LSAMP: variants seen among roughly 807,000 people sequenced by gnomAD.
LSAMP encodes the protein limbic system-associated membrane protein.
LSAMP carries 7 observed loss-of-function variants against 38.6 expected under a neutral mutation model. That is an observed-to-expected ratio of 0.18 (90% CI 0.10 to 0.34). LSAMP has a LOEUF of 0.34. Among genes scored for constraint, LSAMP ranks in the 10% least tolerant of loss-of-function variants. The pLI, the probability that LSAMP is intolerant of heterozygous loss-of-function variation, is 1.00. For missense variants in LSAMP, 313 were observed against 420.0 expected (o/e 0.75, Z 2.23); for synonymous variants, 154 against 166.8 (o/e 0.92, Z 0.59).
intron 1 of LSAMP, among the ~76,000 whole-genome samples, chr3:116,242,836 T>TAGAA (rs35206758): frequency 0.71 from 107,540 of 151,602 alleles, 39,732 homozygotes; most frequent in South Asian, 0.84. Context: ...GCCTCATAGA[T>TAGAA]AGAAGTGTCC....
chr3:116,145,796 G>A (rs569764710), intron 1 of LSAMP, among the ~76,000 whole-genome samples: 20 of 151,630 alleles, frequency 1.3e-4, no homozygotes, highest in South Asian at 4.2e-4. Context: ...TATGACTTTC[G>A]CAGATACAAC....
intron 1 of LSAMP, among the ~76,000 whole-genome samples, chr3:116,107,797 G>A (rs1231033920): frequency 3.3e-5 from 5 of 152,148 alleles, no homozygotes; most frequent in Non-Finnish European, 4.4e-5. Flanking sequence ...AAGAAAGCAC[G>A]TTTGAGCTGC....
chr3:115,927,954 A>C (rs548486772), intron 3 of LSAMP, among the ~76,000 whole-genome samples: 1 of 152,132 alleles, frequency 6.6e-6, no homozygotes, highest in Non-Finnish European at 1.5e-5. Context: ...CATACTTTTA[A>C]ATTTCATTTA....
At chr3:116,169,838 G>A (rs1051589935) in intron 1 of LSAMP, among the ~76,000 whole-genome samples, 1 of 152,130 alleles carries the variant, frequency 6.6e-6, no homozygotes, top group Admixed American at 6.6e-5. Flanking sequence ...AGCGGGTCTT[G>A]TGAAAATTGA....
intron 1 of LSAMP, among the ~76,000 whole-genome samples, chr3:116,337,390 A>G (rs2047933986): frequency 6.6e-6 from 1 of 151,998 alleles, no homozygotes; most frequent in Admixed American, 6.6e-5. Context: ...TTCGAACCCT[A>G]CATTGATTAG....
At chr3:116,080,551 A>G (rs1238097403) in intron 2 of LSAMP, among the ~76,000 whole-genome samples, 1 of 152,234 alleles carries the variant, frequency 6.6e-6, no homozygotes, top group Non-Finnish European at 1.5e-5. Context: ...TCTACAGGGA[A>G]GAATATCAGG....
chr3:115,856,604 G>A (rs577094371), intron 3 of LSAMP, among the ~76,000 whole-genome samples: 1 of 150,394 alleles, frequency 6.6e-6, no homozygotes, highest in Admixed American at 6.6e-5. Flanking sequence ...GGGTGACAGA[G>A]CAAGACTCCA....
At chr3:116,293,142 A>C (rs1303126716) in intron 1 of LSAMP, among the ~76,000 whole-genome samples, 1 of 152,058 alleles carries the variant, frequency 6.6e-6, no homozygotes, top group Non-Finnish European at 1.5e-5. Flanking sequence ...TCTCTTTTGG[A>C]TGTCCAATGT....
chr3:115,824,745 T>A (rs894425809), intron 6 of LSAMP, among the ~76,000 whole-genome samples: 2 of 151,030 alleles, frequency 1.3e-5, no homozygotes, highest in African/African-American at 4.9e-5. Flanking sequence ...CTTCCGGACC[T>A]AAATCTACTT....
At chr3:116,203,154 C>T (rs1228210852) in intron 1 of LSAMP, among the ~76,000 whole-genome samples, 2 of 152,120 alleles carry the variant, frequency 1.3e-5, no homozygotes, top group Non-Finnish European at 2.9e-5. Context: ...GGCTATGAAG[C>T]TTTCAGCAGC....
At chr3:116,252,920 G>C (rs1201968484) in intron 1 of LSAMP, among the ~76,000 whole-genome samples, 1 of 152,192 alleles carries the variant, frequency 6.6e-6, no homozygotes, top group African/African-American at 2.4e-5. Flanking sequence ...TCAACAAAGA[G>C]AGAAACCTAT....
intron 1 of LSAMP, among the ~76,000 whole-genome samples, chr3:116,357,306 G>C (rs1379100510): frequency 1.3e-5 from 2 of 152,194 alleles, no homozygotes; most frequent in Admixed American, 1.3e-4. Context: ...TGAAAACGCT[G>C]TTTTATTAAA....
At chr3:116,145,374 C>G (rs1030395841) in intron 1 of LSAMP, among the ~76,000 whole-genome samples, 1 of 151,852 alleles carries the variant, frequency 6.6e-6, no homozygotes, top group Non-Finnish European at 1.5e-5. Context: ...TTGACCCACA[C>G]CATTGTGCTG....
intron 1 of LSAMP, among the ~76,000 whole-genome samples, chr3:116,196,744 G>A (rs1251547561): frequency 2.6e-5 from 4 of 152,096 alleles, no homozygotes; most frequent in East Asian, 1.9e-4. Flanking sequence ...AAATTTTAAA[G>A]TGCTGAAGTG....
At chr3:116,345,556 A>G (rs546888127) in intron 1 of LSAMP, among the ~76,000 whole-genome samples, 1 of 152,236 alleles carries the variant, frequency 6.6e-6, no homozygotes, top group East Asian at 1.9e-4. Flanking sequence ...AACTGGGTGG[A>G]TACTTAGTTA....
intron 1 of LSAMP, among the ~76,000 whole-genome samples, chr3:116,375,230 G>A (rs2048480077): frequency 6.6e-6 from 1 of 151,900 alleles, no homozygotes; most frequent in Non-Finnish European, 1.5e-5. Flanking sequence ...GGAAGAAAAG[G>A]ACTGTAAACA....
intron 1 of LSAMP, among the ~76,000 whole-genome samples, chr3:116,399,719 T>C (rs1429659232): frequency 2.6e-5 from 4 of 152,198 alleles, no homozygotes; most frequent in Non-Finnish European, 5.9e-5. Context: ...AGAGAAAGAA[T>C]TCCTTTTGAT....
chr3:116,021,811 C>T (rs975518454), intron 2 of LSAMP, among the ~76,000 whole-genome samples: 38 of 151,340 alleles, frequency 2.5e-4, no homozygotes, highest in African/African-American at 6.8e-4. Flanking sequence ...CTCTCTCTCT[C>T]GGTGTTTTTT....
chr3:115,845,209 ATTAG>A lies in LSAMP; in HGVS notation c.650-2635_650-2632del, dbSNP rs569501805. 2.1e-3 allele frequency among the ~76,000 whole-genome samples: 313 copies of A among 152,288 alleles called. 2 individuals are homozygous for A. Among genetic ancestry groups the A allele is most frequent in the South Asian group, 0.019 (92 of 4,824 alleles). On this transcript the variant is annotated intron_variant, in intron 4 of 6. Coordinates refer to ENST00000490035, the MANE Select transcript of LSAMP (RefSeq NM_002338.5). ...ACCAGCAGTAGAATACTCAATAAAT[ATTAG>A]TTTCCAGTCCTCATTTCTTCTCACT...
Sources: allele counts gnomAD v4.1 joint callset (sites outside exome capture counted in the v4.1 genomes callset), GRCh38; gene constraint gnomAD v4.1.1; transcripts MANE v1.5; gene names NCBI Gene and HGNC (gene_info 2026-07-23, HGNC 2026-07-21).